ANKHD1: variants seen among roughly 807,000 people sequenced by gnomAD.
The protein encoded by ANKHD1 is ankyrin repeat and KH domain containing 1.
A neutral mutation model predicts 230.5 loss-of-function variants in ANKHD1; 31 were observed. The observed-to-expected ratio is 0.13, with a 90% CI of 0.10 to 0.18. The LOEUF (loss-of-function observed/expected upper bound fraction) is 0.18, where lower values mean the gene tolerates loss of function less well. Ranked by LOEUF, ANKHD1 falls within the 10% of genes least tolerant of loss-of-function variation. The probability of loss-of-function intolerance (pLI) is 1.00; values close to 1 mark genes in which losing one functional copy is unlikely to be tolerated. For missense variants in ANKHD1, 2,256 were observed against 3,071.3 expected, an observed-to-expected ratio of 0.73 and a Z score of 6.27; for synonymous variants, 1,074 against 1,117.6, an observed-to-expected ratio of 0.96 and a Z score of 0.78.
Position 140,506,957 on chromosome 5 carries a change from T to C in ANKHD1, c.3531T>C (p.Ala1177=). The part of the protein sequence containing the change: ...YVNIIKILLN[A]GAEINSRTGS... ...ATATCATTAAGATTCTGCTTAATGC[T>C]GGGGCAGAAATTAATTCAAGGTATT... is the stretch of plus-strand genomic sequence containing the variant. The change falls in exon 19 of 34, where the codon GCT becomes GCC. Residue 1177 remains alanine (A), a synonymous_variant. Coordinates refer to ENST00000360839, the MANE Select transcript of ANKHD1 (RefSeq NM_017747.3). The surrounding 1 kb of genome is among the most constrained non-coding windows in gnomAD (Gnocchi z 4.7). 1 of 1,613,712 alleles carries C rather than the reference T, an allele frequency of 6.2e-7. No homozygotes were observed. Among genetic ancestry groups the C allele is most frequent in the South Asian group, 1.1e-5 (1 of 91,014 alleles).
At chr5:140,524,961 T>C in intron 25 of ANKHD1, 1 of 351,698 alleles carries the variant, frequency 2.8e-6, no homozygotes, top group Non-Finnish European at 5.6e-6. Context: ...AATTACAAAA[T>C]TAGCCTGGGA....
intron 1 of ANKHD1, among the ~76,000 whole-genome samples, chr5:140,419,170 AGT>A (rs1374217769): frequency 6.7e-6 from 1 of 148,422 alleles, no homozygotes; most frequent in East Asian, 2.0e-4. Flanking sequence ...CATTCTAGTG[AGT>A]GTGAGGTGGT....
chr5:140,501,293 T>C (rs925309129), intron 15 of ANKHD1, among the ~76,000 whole-genome samples: 1 of 151,746 alleles, frequency 6.6e-6, no homozygotes, highest in African/African-American at 2.4e-5. Flanking sequence ...TTGGCCAGGC[T>C]GATCTCAAAC....
At chr5:140,487,813 A>C (rs1751577344) in intron 14 of ANKHD1, among the ~76,000 whole-genome samples, 1 of 152,252 alleles carries the variant, frequency 6.6e-6, no homozygotes, top group African/African-American at 2.4e-5. Context: ...AACATCGTTC[A>C]TTTAGTGTAT....
intron 24 of ANKHD1, among the ~76,000 whole-genome samples, chr5:140,520,115 A>G (rs1250308237): frequency 6.6e-6 from 1 of 151,196 alleles, no homozygotes; most frequent in African/African-American, 2.4e-5. Context: ...AAAAGTGGGC[A>G]AAGGACATGA....
rs959692133 is a variant in ANKHD1 at position 140,438,432 on chromosome 5, A to G, written c.461-29A>G. The G allele has an allele frequency of 5.2e-6, 8 of 1,552,770 alleles. No individual in the cohort carries two copies. In the African/African-American group the frequency reaches 8.2e-5, roughly 16 times the overall value. ...TATACTTTTTTTTTTGTTGTTCTGC[A>G]CTACCTGATTGATTGATGCACACTG... On this transcript the variant is annotated intron_variant, in intron 2 of 33. Coordinates refer to ENST00000360839, the MANE Select transcript of ANKHD1 (RefSeq NM_017747.3).
Position 140,496,782 on chromosome 5 carries a change from A to G in ANKHD1, c.2508A>G (p.Lys836=), listed in dbSNP as rs1191902414. ...TCCAGAAGAAGAAGAAAATATTGAA[A>G]GAACTGCAGAAAGTGGAAAGGCAGT... ...EQVQKKKKIL[K]ELQKVERQLQ... The change falls in exon 15 of 34, where the codon AAA becomes AAG. Residue 836 remains lysine, a synonymous_variant. Transcript: ENST00000360839. 1.9e-6 allele frequency: 3 copies of G among 1,614,032 alleles called. No homozygotes were observed. The South Asian group carries it at 3.3e-5, about 18-fold the overall frequency.
At chr5:140,413,164 A>G (rs1367495059) in intron 1 of ANKHD1, among the ~76,000 whole-genome samples, 2 of 152,228 alleles carry the variant, frequency 1.3e-5, no homozygotes, top group East Asian at 1.9e-4. Context: ...TTAAGTTGCC[A>G]AGGTAAGTTT....
At chr5:140,511,722 C>T (rs1317301065) in intron 22 of ANKHD1, among the ~76,000 whole-genome samples, 1 of 152,164 alleles carries the variant, frequency 6.6e-6, no homozygotes, top group African/African-American at 2.4e-5. Flanking sequence ...TCTTAAGGTA[C>T]ATGGTTTAGT....
At chr5:140,433,756 A>G (rs1023447703) in intron 1 of ANKHD1, among the ~76,000 whole-genome samples, 1 of 152,052 alleles carries the variant, frequency 6.6e-6, no homozygotes, top group African/African-American at 2.4e-5. Flanking sequence ...TGAGACATAT[A>G]ATATTTATAA....
chr5:140,445,288 C>T (rs1455466645), intron 5 of ANKHD1, among the ~76,000 whole-genome samples: 1 of 151,940 alleles, frequency 6.6e-6, no homozygotes, highest in African/African-American at 2.4e-5. Flanking sequence ...GGTGGATTAC[C>T]TGACGTCAGG....
intron 9 of ANKHD1, among the ~76,000 whole-genome samples, chr5:140,463,154 T>C (rs1775841722): frequency 6.6e-6 from 1 of 152,072 alleles, no homozygotes. Context: ...TGGCCCTGTT[T>C]TTTTGTTTTT....
In ANKHD1 at chr5:140,528,880, T is replaced by A; in HGVS notation, c.5934T>A (p.Ser1978=). 1 of 1,614,200 alleles carries A rather than the reference T, an allele frequency of 6.2e-7. No individual in the cohort carries two copies. Among genetic ancestry groups the A allele is most frequent in the Middle Eastern group, 1.6e-4 (1 of 6,062 alleles). Residue 1978 remains serine (S), a synonymous_variant, in exon 29 of 34, where the codon TCT becomes TCA. Transcript: ENST00000360839. ...GTCCTCCAGCAACAGTGATTTCTTC[T>A]GTGACAAGCACTTGTAGTTCCCTGC... is the stretch of plus-strand genomic sequence containing the variant. ...KTSPPATVIS[S]VTSTCSSLPS...
intron 25 of ANKHD1, 123 bp downstream of exon 25, chr5:140,524,363 A>G (rs560923409): frequency 4.3e-6 from 6 of 1,388,342 alleles, no homozygotes; most frequent in Non-Finnish European, 5.6e-6. Flanking sequence ...TCTGAAATGG[A>G]CAATGACTTT....
In ANKHD1 at chr5:140,441,072, T is replaced by A. The variant is rs552482309; in HGVS notation, c.843T>A (p.Ser281Arg). ...TAACTCCCCTGATGGCAGCTTCCAGTGGAGGTTACTTAGATATTGTGAAAT... is the reference window on the plus strand; with the variant it reads ...TAACTCCCCTGATGGCAGCTTCCAGAGGAGGTTACTTAGATATTGTGAAAT... ...GDITPLMAAS[S>R]GGYLDIVKLL... Residue 281 changes from serine (S) to arginine (R), a missense_variant, in exon 5 of 34, where the codon AGT becomes AGA. Ser to Arg is a moderately radical substitution (Grantham distance 110). Transcript: ENST00000360839. The A allele has an allele frequency of 6.2e-7, 1 of 1,611,846 alleles. No homozygotes were observed. Among genetic ancestry groups the A allele is most frequent in the South Asian group, 1.1e-5 (1 of 90,618 alleles).
chr5:140,475,551 A>G (rs747428651), intron 10 of ANKHD1, among the ~76,000 whole-genome samples: 1 of 151,696 alleles, frequency 6.6e-6, no homozygotes, highest in Non-Finnish European at 1.5e-5. Flanking sequence ...AAAAAACAAA[A>G]CAAAACAAAC....
rs745626317 is a variant in ANKHD1, at chr5:140,524,238, A to G, written c.4490A>G (p.Asp1497Gly). 7 of 1,565,460 alleles carry G rather than the reference A, an allele frequency of 4.5e-6. No homozygotes were observed. The highest frequency in any genetic ancestry group is 1.4e-5 in the African/African-American group (1 of 71,614). ...EDEDEEENDE[D>G]VEQEVPIEPP... Reference sequence around the variant, plus strand: ...GAAGATGAAGAGGAGAATGATGAAGATGGTGAGAAACAAACCATCTGAATT... The same window carrying G: ...GAAGATGAAGAGGAGAATGATGAAGGTGGTGAGAAACAAACCATCTGAATT... Residue 1497 changes from aspartate (D) to glycine (G), a missense_variant and splice_region_variant, in exon 25 of 34, where the codon GAT (aspartate) becomes GGT (glycine). Physicochemically the swap from Asp to Gly is moderately conservative, Grantham distance 94. Coordinates refer to ENST00000360839, the MANE Select transcript of ANKHD1 (RefSeq NM_017747.3).
Position 140,438,611 on chromosome 5 carries a change from T to C in ANKHD1, c.611T>C (p.Val204Ala). ...GAAAACAGCCACAATGCAGGACAAG[T>C]GGACACGTATGTGTTTAATGACTTT... ...KAENSHNAGQ[V>A]DTRSLAEACS... is the part of the protein sequence containing the mutation. Residue 204 changes from valine (V) to alanine (A), a missense_variant, in exon 3 of 34, where the codon GTG becomes GCG. Val to Ala is a moderately conservative substitution (Grantham distance 64). Transcript: ENST00000360839. 1 of 1,593,704 alleles carries C rather than the reference T, an allele frequency of 6.3e-7. No individual in the cohort carries two copies. The highest frequency in any genetic ancestry group is 2.2e-5 in the East Asian group (1 of 44,474).
chr5:140,513,334 T>C, intron 23 of ANKHD1, 29 bp from the exon 24 acceptor site: 1 of 1,583,162 alleles, frequency 6.3e-7, no homozygotes. Context: ...TTTCATTATA[T>C]ATTTACATAA....
Sources: allele counts gnomAD v4.1 joint callset (sites outside exome capture counted in the v4.1 genomes callset), GRCh38; gene constraint gnomAD v4.1.1; non-coding constraint Gnocchi (gnomAD v3.1); transcripts MANE v1.5; gene names NCBI Gene and HGNC (gene_info 2026-07-23, HGNC 2026-07-21).